STS: variants seen among roughly 807,000 people sequenced by gnomAD.
STS encodes the protein steryl-sulfatase.
Under a neutral mutation model 26.8 loss-of-function variants are expected in STS, and 7 were observed. The ratio of observed to expected loss-of-function variants is 0.26; its 90% CI spans 0.15 to 0.49. STS has a LOEUF of 0.49. STS is among the 20% of genes least tolerant of loss of function. STS has a pLI of 0.98. For synonymous variants in STS, 199 were observed against 189.4 expected, an observed-to-expected ratio of 1.05 and a Z score of -0.42; for missense variants, 434 against 465.6, an observed-to-expected ratio of 0.93 and a Z score of 0.63.
At chrX:7,308,311 G>A (rs1464325270) in intron 8 of STS, among the ~76,000 whole-genome samples, 1 of 112,261 alleles carries the variant, frequency 8.9e-6, no homozygotes, top group Non-Finnish European at 1.9e-5. Context: ...CCGAGGAGGA[G>A]ACGTGTACAT....
intron 6 of STS, among the ~76,000 whole-genome samples, chrX:7,264,481 G>T (rs1923903455): frequency 1.8e-5 from 2 of 112,245 alleles, no homozygotes; most frequent in Admixed American, 1.9e-4. Context: ...TTGTAGGGTG[G>T]CCTTTGCTAG....
chrX:7,334,925 T>C (rs1927940380), intron 10 of STS, among the ~76,000 whole-genome samples: 1 of 112,290 alleles, frequency 8.9e-6, no homozygotes, highest in Admixed American at 9.4e-5. Context: ...TGGTTTATAA[T>C]CTTAGGTGTG....
At chrX:7,253,486 G>A (rs1237317456) in intron 3 of STS, 150 bp downstream of exon 3, 1 of 802,075 alleles carries the variant, frequency 1.2e-6, no homozygotes, top group Non-Finnish European at 1.8e-6. Flanking sequence ...ACACTGAGAT[G>A]TAGGTGTCAT....
chrX:7,210,397 A>G (rs1226057132), intron 2 of STS, among the ~76,000 whole-genome samples: 1 of 109,611 alleles, frequency 9.1e-6, no homozygotes, highest in African/African-American at 3.3e-5. Context: ...TTACTTATAT[A>G]TATCTATACA....
Position 7,267,578 on chromosome X carries a change from C to G in STS, c.806+7806C>G, listed in dbSNP as rs1052846897. 2.7e-5 allele frequency among the ~76,000 whole-genome samples: 3 copies of G among 112,156 alleles called. No homozygotes were observed. In the Admixed American group the frequency reaches 2.8e-4, roughly 11 times the overall value. ...GGCCTCTTCTCTGAATTCATTGAAA[C>G]AGTGCTTCATTGCTAGGAAAAATAT... On this transcript the variant is annotated intron_variant, in intron 6 of 10. Coordinates refer to ENST00000674429, the MANE Select transcript of STS (RefSeq NM_001320752.2).
At chrX:7,294,506 C>T (rs1925572783) in intron 7 of STS, among the ~76,000 whole-genome samples, 1 of 111,398 alleles carries the variant, frequency 9.0e-6, no homozygotes, top group African/African-American at 3.3e-5. Context: ...ACAATTGCAC[C>T]ACAATAATAA....
rs1201080468 is a variant in STS, at chrX:7,169,852, T to C, written c.-133-21028T>C. Among the ~76,000 whole-genome samples, 5 of 82,993 alleles carry C rather than the reference T, an allele frequency of 6.0e-5. No individual in the cohort carries two copies. The Admixed American group carries it at 9.7e-4, about 16-fold the overall frequency. 72.1% of individuals were successfully genotyped at this position (82,993 alleles called of 115,157 possible). A position where few individuals can be genotyped will look rare whatever the true frequency, so the allele number is the denominator to read the frequency against. Reference sequence around the variant, plus strand: ...TGTCAAAAGCAGCTCTGATTAAGTCTAGAAAAACTCATTATAACACATGGG... The same window carrying C: ...TGTCAAAAGCAGCTCTGATTAAGTCCAGAAAAACTCATTATAACACATGGG... On this transcript the variant is annotated intron_variant, in intron 1 of 10. Transcript: ENST00000674429.
intron 1 of STS, among the ~76,000 whole-genome samples, chrX:7,151,311 G>A (rs746600885): frequency 9.9e-5 from 11 of 111,572 alleles, no homozygotes; most frequent in African/African-American, 3.3e-4. Flanking sequence ...CTTGCCCAGC[G>A]TAGATGGAGG....
chrX:7,225,629 A>T (rs1327620401), intron 2 of STS, among the ~76,000 whole-genome samples: 1 of 111,273 alleles, frequency 9.0e-6, no homozygotes, highest in Non-Finnish European at 1.9e-5. Context: ...GACAGGAAGC[A>T]GGTGTTCAGC....
In STS at chrX:7,283,318, C is replaced by G. The variant is rs140852687; in HGVS notation, c.943+7231C>G. Among the ~76,000 whole-genome samples, 27 of 111,818 alleles carry G rather than the reference C, an allele frequency of 2.4e-4. 1 individual carries two copies. The East Asian group carries it at 7.3e-3, about 30-fold the overall frequency. ...AACAGCCAAAAACTGGGAAGACAGA[C>G]TCAGAGAAGTGTGATCAGGGAATTC... On this transcript the variant is annotated intron_variant, in intron 7 of 10. Transcript: ENST00000674429.
chrX:7,198,113 G>T (rs1569186260), intron 2 of STS, among the ~76,000 whole-genome samples: 2 of 111,753 alleles, frequency 1.8e-5, no homozygotes, highest in Admixed American at 9.5e-5. Flanking sequence ...TATCAAGACA[G>T]AAATAGAGAA....
intron 8 of STS, among the ~76,000 whole-genome samples, chrX:7,322,859 C>T: frequency 8.9e-6 from 1 of 112,076 alleles, no homozygotes; most frequent in Non-Finnish European, 1.9e-5. Flanking sequence ...CTGAGATTAT[C>T]TGCTGACATT....
chrX:7,331,437 G>C (rs1220047663), intron 9 of STS, among the ~76,000 whole-genome samples: 1 of 110,462 alleles, frequency 9.1e-6, no homozygotes, highest in Admixed American at 9.6e-5. Flanking sequence ...CACTAGGGCA[G>C]AAAACACATT....
At chrX:7,279,074 C>T (rs1481641617) in intron 7 of STS, among the ~76,000 whole-genome samples, 9 of 108,877 alleles carry the variant, frequency 8.3e-5, no homozygotes, top group African/African-American at 2.7e-4. Flanking sequence ...GAGGCCGAAG[C>T]GGGCAGATCA....
intron 2 of STS, among the ~76,000 whole-genome samples, chrX:7,220,970 G>T (rs1321963168): frequency 6.3e-5 from 7 of 111,614 alleles, no homozygotes; most frequent in African/African-American, 2.3e-4. Context: ...GTCTGACTTC[G>T]TGTAAACAGC....
chrX:7,263,226 G>A (rs753517149), intron 6 of STS, among the ~76,000 whole-genome samples: 2 of 111,013 alleles, frequency 1.8e-5, no homozygotes, highest in African/African-American at 3.3e-5. Context: ...GTGCCACCAC[G>A]CCCAGCTAAT....
intron 6 of STS, among the ~76,000 whole-genome samples, chrX:7,260,024 C>T (rs187396248): frequency 1.4e-3 from 155 of 111,299 alleles, no homozygotes; most frequent in African/African-American, 4.6e-3. Context: ...TATAGGCGCC[C>T]GCCACCACAC....
chrX:7,336,802 G>T (rs1259630723), intron 10 of STS, among the ~76,000 whole-genome samples: 1 of 112,105 alleles, frequency 8.9e-6, no homozygotes, highest in Non-Finnish European at 1.9e-5. Flanking sequence ...TTGCAAAATT[G>T]TATTTTAATA....
chrX:7,294,920 A>G (rs1925593225), intron 7 of STS, among the ~76,000 whole-genome samples: 1 of 111,646 alleles, frequency 9.0e-6, no homozygotes, highest in Admixed American at 9.6e-5. Flanking sequence ...CTAGTATTCC[A>G]TCAAGTCCTG....
Sources: gnomAD v4.1 joint callset for allele counts (sites outside exome capture counted in the v4.1 genomes callset) on GRCh38, gnomAD v4.1.1 for gene constraint, MANE v1.5 for transcripts, NCBI Gene and HGNC (gene_info 2026-07-23, HGNC 2026-07-21) for gene names.